The following DIO2 variants were observed in gnomAD, a reference collection of about 807,000 sequenced individuals.
The protein encoded by DIO2 is type II iodothyronine deiodinase.
In DIO2, 19 loss-of-function variants were observed where a neutral mutation model predicts 21.4. That is an observed-to-expected ratio of 0.89 (90% CI 0.62 to 1.30). The LOEUF is 1.30. Among genes scored for constraint, DIO2 ranks in the 50% most tolerant of loss-of-function variants. DIO2 has a pLI of 0.00. For missense variants in DIO2, 302 were observed against 338.1 expected (o/e 0.89, Z 0.84); for synonymous variants, 122 against 132.9 (o/e 0.92, Z 0.57).
rs1363273228 is a variant in DIO2, at chr14:80,198,831, C to T, written c.*3858G>A. On this transcript the variant is annotated 3_prime_UTR_variant, in exon 2 of 2. Coordinates refer to ENST00000438257, the MANE Select transcript of DIO2 (RefSeq NM_013989.5). Reference sequence around the variant, plus strand: ...AAAGCCTTACTTGCAGTCTCCACTGCTGAGACACATGACAGTGGGGATGTT... The same window carrying T: ...AAAGCCTTACTTGCAGTCTCCACTGTTGAGACACATGACAGTGGGGATGTT... 2.7e-5 allele frequency: 4 copies of T among 150,790 alleles called. No homozygotes were observed. Among genetic ancestry groups the T allele is most frequent in the Non-Finnish European group, 5.9e-5 (4 of 67,882 alleles). 9.3% of individuals were successfully genotyped at this position (150,790 alleles called of 1,614,324 possible). A position where few individuals can be genotyped will look rare whatever the true frequency, so the allele number is the denominator to read the frequency against.
chr14:80,216,409 C>A (rs1373678922), upstream of DIO2, among the ~76,000 whole-genome samples: 1 of 147,304 alleles, frequency 6.8e-6, no homozygotes, highest in African/African-American at 2.6e-5. Context: ...TGTTAGGAGA[C>A]AACAATATAC....
intron 1 of DIO2, among the ~76,000 whole-genome samples, chr14:80,203,674 C>A (rs552580606): frequency 6.6e-6 from 1 of 152,306 alleles, no homozygotes; most frequent in South Asian, 2.1e-4. Flanking sequence ...AAATTAGAAG[C>A]AAATGGTCTA....
intron 2 of DIO2, among the ~76,000 whole-genome samples, chr14:80,221,981 T>A (rs1202358444): frequency 1.3e-5 from 2 of 152,190 alleles, no homozygotes; most frequent in East Asian, 3.8e-4. Flanking sequence ...TTTGGAGGTT[T>A]TTATGGAAAA....
intron 1 of DIO2, among the ~76,000 whole-genome samples, chr14:80,210,736 T>C (rs1888145616): frequency 6.6e-6 from 1 of 152,190 alleles, no homozygotes; most frequent in Non-Finnish European, 1.5e-5. Context: ...CAAGCAGCTA[T>C]GATGCCCAAT....
At chr14:80,210,639 C>T (rs922686062) in intron 1 of DIO2, among the ~76,000 whole-genome samples, 7 of 152,126 alleles carry the variant, frequency 4.6e-5, no homozygotes, top group Non-Finnish European at 2.9e-5. Flanking sequence ...GCCTGAAAAT[C>T]GCTTCCAAAG....
intron 2 of DIO2, among the ~76,000 whole-genome samples, chr14:80,220,937 T>C (rs1004929645): frequency 1.6e-4 from 24 of 152,328 alleles, no homozygotes; most frequent in South Asian, 6.2e-4. Context: ...CTGTTGTATA[T>C]GGGTAAAATG....
At chr14:80,228,082 C>T (rs1888611431) in intron 2 of DIO2, among the ~76,000 whole-genome samples, 2 of 152,230 alleles carry the variant, frequency 1.3e-5, no homozygotes, top group Admixed American at 1.3e-4. Flanking sequence ...ACTTCTTGCT[C>T]ACTGGATCCA....
upstream of DIO2, chr14:80,211,592 G>GGGGGA: frequency 1.2e-5 from 2 of 162,280 alleles, no homozygotes; most frequent in Admixed American, 7.6e-5. Flanking sequence ...GGGGTTGGGG[G>GGGGGA]AGAAGGGGAA....
In DIO2 at chr14:80,198,983, C is replaced by G. The variant is rs889831956; in HGVS notation, c.*3706G>C. 1.3e-5 allele frequency: 2 copies of G among 152,166 alleles called. No homozygotes were observed. The highest frequency in any genetic ancestry group is 1.5e-5 in the Non-Finnish European group (1 of 68,034). The allele number at this position is 152,166 out of a possible 1,614,324, so 9.4% of individuals were successfully genotyped here. Reference sequence around the variant, plus strand: ...TAAAGTTATTTTCCAAACCATCAGTCAGAGGTCGGGTGGAACAAATGTCCA... The same window carrying G: ...TAAAGTTATTTTCCAAACCATCAGTGAGAGGTCGGGTGGAACAAATGTCCA... On this transcript the variant is annotated 3_prime_UTR_variant, in exon 2 of 2. Coordinates refer to ENST00000438257, the MANE Select transcript of DIO2 (RefSeq NM_013989.5).
At chr14:80,206,617 G>T (rs1243991832) in intron 1 of DIO2, among the ~76,000 whole-genome samples, 1 of 152,092 alleles carries the variant, frequency 6.6e-6, no homozygotes, top group Non-Finnish European at 1.5e-5. Context: ...CCAAAATGAT[G>T]AAGAAAATAA....
chr14:80,228,973 G>A lies in DIO2; in HGVS notation c.-277-12236C>T, dbSNP rs186043870. On this transcript the variant is annotated intron_variant, in intron 2 of 4. Transcript: ENST00000553594. ...AAGGTTGGAGGTCTCCTTAGGGAAG[G>A]ATGGGAGAAAGATTCACTGCATAAA... 2.2e-4 allele frequency among the ~76,000 whole-genome samples: 33 copies of A among 152,256 alleles called. No individual in the cohort carries two copies. The East Asian group carries it at 6.4e-3, about 30-fold the overall frequency.
intron 1 of DIO2, chr14:80,206,198 T>A: frequency 7.9e-7 from 1 of 1,270,336 alleles, no homozygotes; most frequent in South Asian, 1.5e-5. Context: ...TTAATATTAT[T>A]AATAAAACTA....
chr14:80,226,947 T>A (rs146583943), intron 2 of DIO2, among the ~76,000 whole-genome samples: 110 of 152,344 alleles, frequency 7.2e-4, no homozygotes, highest in African/African-American at 2.5e-3. Context: ...TTTCCAATCA[T>A]CCTTCTTCCA....
chr14:80,225,606 A>C (rs1413302818), intron 2 of DIO2, among the ~76,000 whole-genome samples: 1 of 152,220 alleles, frequency 6.6e-6, no homozygotes, highest in Non-Finnish European at 1.5e-5. Context: ...ATTGATGATT[A>C]CCTTCTTCTA....
chr14:80,226,538 A>G (rs573659313), intron 2 of DIO2, among the ~76,000 whole-genome samples: 12 of 152,166 alleles, frequency 7.9e-5, no homozygotes, highest in Non-Finnish European at 1.6e-4. Context: ...GTCCAATATA[A>G]TACCTGCCAC....
At chr14:80,213,411 A>C (rs1161523348), upstream of DIO2, among the ~76,000 whole-genome samples, 2 of 151,884 alleles carry the variant, frequency 1.3e-5, no homozygotes, top group Non-Finnish European at 2.9e-5. Flanking sequence ...TGTGGCTAAA[A>C]CCTTCATGAT....
At chr14:80,215,696 T>C (rs1402675707), upstream of DIO2, among the ~76,000 whole-genome samples, 1 of 152,254 alleles carries the variant, frequency 6.6e-6, no homozygotes, top group Non-Finnish European at 1.5e-5. Flanking sequence ...ACAGCAGGCA[T>C]GCTGATTTTG....
In DIO2 at chr14:80,211,498, C is replaced by G. The variant is rs1275748516; in HGVS notation, c.-26G>C. The G allele has an allele frequency of 3.7e-6, 5 of 1,358,290 alleles. No individual in the cohort carries two copies. The highest frequency in any genetic ancestry group is 4.9e-6 in the Non-Finnish European group (5 of 1,020,898). The allele number at this position is 1,358,290 out of a possible 1,614,324, so 84.1% of individuals were successfully genotyped here. A position where few individuals can be genotyped will look rare whatever the true frequency, so the allele number is the denominator to read the frequency against. Reference sequence around the variant, plus strand: ...CTTCTCTGCCTCCTGAGTCAGTTCCCTTGTGCGCTCTGGTTCCCCTTCACC... The same window carrying G: ...CTTCTCTGCCTCCTGAGTCAGTTCCGTTGTGCGCTCTGGTTCCCCTTCACC... On this transcript the variant is annotated 5_prime_UTR_variant, in exon 1 of 2. Coordinates refer to ENST00000438257, the MANE Select transcript of DIO2 (RefSeq NM_013989.5).
chr14:80,203,116 G>C lies in DIO2; in HGVS notation c.395C>G (p.Thr132Ser). 1 of 1,613,796 alleles carries C rather than the reference G, an allele frequency of 6.2e-7. No individual in the cohort carries two copies. The highest frequency in any genetic ancestry group is 8.5e-7 in the Non-Finnish European group (1 of 1,179,818). ...RPLVVNFGSATUPPFTSQLPA... is the reference protein window; with the variant it reads ...RPLVVNFGSASUPPFTSQLPA... ...CAGCTGGCTCGTGAAAGGAGGTCAAGTGGCTGAGCCAAAGTTGACCACTAG... is the reference window on the plus strand; with the variant it reads ...CAGCTGGCTCGTGAAAGGAGGTCAACTGGCTGAGCCAAAGTTGACCACTAG... Residue 132 changes from threonine (T) to serine (S), a missense_variant, in exon 2 of 2, where the codon ACT becomes AGT. By Grantham distance (58) the Thr-to-Ser change is moderately conservative. Transcript: ENST00000438257.
Sources: gnomAD v4.1 joint callset for allele counts (sites outside exome capture counted in the v4.1 genomes callset) on GRCh38, gnomAD v4.1.1 for gene constraint, MANE v1.5 for transcripts, NCBI Gene and HGNC (gene_info 2026-07-23, HGNC 2026-07-21) for gene names.